SCFD2: variants seen among roughly 807,000 people sequenced by gnomAD.
SCFD2 encodes the protein sec1 family domain containing 2, also known as sec1 family domain-containing protein 2.
Under a neutral mutation model 58.9 loss-of-function variants are expected in SCFD2, and 54 were observed. The ratio of observed to expected loss-of-function variants is 0.92; its 90% CI spans 0.74 to 1.15. The LOEUF is 1.15. SCFD2 is among the 50% of genes most tolerant of loss of function. The pLI, the probability that SCFD2 is intolerant of heterozygous loss-of-function variation, is 0.00. For missense variants in SCFD2, 805 were observed against 836.6 expected, an observed-to-expected ratio of 0.96 and a Z score of 0.47; for synonymous variants, 321 against 335.9, an observed-to-expected ratio of 0.96 and a Z score of 0.49.
At chr4:53,253,011 G>C (rs886983043) in intron 4 of SCFD2, among the ~76,000 whole-genome samples, 1 of 152,032 alleles carries the variant, frequency 6.6e-6, no homozygotes, top group African/African-American at 2.4e-5. Context: ...CTAATATCCA[G>C]AATCTACAGT....
intron 3 of SCFD2, among the ~76,000 whole-genome samples, chr4:53,288,789 T>C (rs1731748726): frequency 6.6e-6 from 1 of 152,186 alleles, no homozygotes; most frequent in African/African-American, 2.4e-5. Context: ...GGATAATTAC[T>C]CTCATAAAAA....
intron 5 of SCFD2, among the ~76,000 whole-genome samples, chr4:53,098,397 T>C (rs1284649887): frequency 1.3e-5 from 2 of 152,190 alleles, no homozygotes; most frequent in Non-Finnish European, 2.9e-5. Flanking sequence ...TTTCGGAGCA[T>C]GTTATTGGTC....
intron 7 of SCFD2, 110 bp downstream of exon 7, chr4:52,907,347 C>A: frequency 9.2e-7 from 1 of 1,084,450 alleles, no homozygotes; most frequent in Non-Finnish European, 1.4e-6. Context: ...AGCCAAAATA[C>A]CAAATGTTAT....
intron 5 of SCFD2, among the ~76,000 whole-genome samples, chr4:53,079,673 C>G (rs1724084425): frequency 6.6e-6 from 1 of 152,174 alleles, no homozygotes; most frequent in South Asian, 2.1e-4. Flanking sequence ...ACAGTGCTCA[C>G]AGCACCCAAT....
chr4:53,220,354 ACTGT>A (rs1341521327), intron 4 of SCFD2, among the ~76,000 whole-genome samples: 3 of 152,336 alleles, frequency 2.0e-5, no homozygotes, highest in East Asian at 3.9e-4. Flanking sequence ...TGGTTTCTTT[ACTGT>A]CTGTTTTCTT....
chr4:52,952,242 GCCCCATCCCCTCTCACAC>G (rs778541151), intron 5 of SCFD2, among the ~76,000 whole-genome samples: 10,490 of 102,496 alleles, frequency 0.1, 606 homozygotes, highest in Non-Finnish European at 0.15. Flanking sequence ...CCCTCTCACA[GCCCCATCCCCTCTCACAC>G]CCCCATCCCC....
At chr4:53,347,496 T>C (rs1734090961) in intron 2 of SCFD2, among the ~76,000 whole-genome samples, 1 of 151,680 alleles carries the variant, frequency 6.6e-6, no homozygotes, top group African/African-American at 2.4e-5. Context: ...AATATTAATA[T>C]ATTAGAAAGT....
chr4:52,939,545 A>G (rs1197396589), intron 5 of SCFD2, among the ~76,000 whole-genome samples: 1 of 152,198 alleles, frequency 6.6e-6, no homozygotes, highest in Non-Finnish European at 1.5e-5. Context: ...TAAGATGCTT[A>G]CTATGTGTCA....
At chr4:52,893,655 C>T (rs901679962) in intron 7 of SCFD2, among the ~76,000 whole-genome samples, 1 of 152,190 alleles carries the variant, frequency 6.6e-6, no homozygotes, top group African/African-American at 2.4e-5. Flanking sequence ...CTGGAATGGC[C>T]CCCTGACCCA....
intron 7 of SCFD2, among the ~76,000 whole-genome samples, chr4:52,891,507 T>C (rs60716049): frequency 0.41 from 62,408 of 152,104 alleles, 14,156 homozygotes; most frequent in African/African-American, 0.61. Context: ...GGTGAAATAA[T>C]TTGTCCAAAG....
chr4:53,187,515 C>T (rs1307373541), intron 4 of SCFD2, among the ~76,000 whole-genome samples: 1 of 152,096 alleles, frequency 6.6e-6, no homozygotes, highest in Non-Finnish European at 1.5e-5. Flanking sequence ...ATGTAAACTG[C>T]AGCCTTGTTT....
chr4:52,927,081 AAAC>A (rs779133516), intron 5 of SCFD2, among the ~76,000 whole-genome samples: 3 of 152,186 alleles, frequency 2.0e-5, no homozygotes, highest in Non-Finnish European at 2.9e-5. Context: ...TAAGGCAAAT[AAAC>A]AACAATAGAA....
chr4:53,221,952 T>C (rs1314868256), intron 4 of SCFD2, among the ~76,000 whole-genome samples: 1 of 152,226 alleles, frequency 6.6e-6, no homozygotes, highest in Admixed American at 6.5e-5. Flanking sequence ...ACTGATTCTG[T>C]TAACTCTGTT....
chr4:52,938,200 C>T (rs1391193521), intron 5 of SCFD2, among the ~76,000 whole-genome samples: 3 of 152,176 alleles, frequency 2.0e-5, no homozygotes, highest in Admixed American at 6.5e-5. Context: ...AGTTCATTTA[C>T]TCCTCAGAGC....
intron 5 of SCFD2, among the ~76,000 whole-genome samples, chr4:53,010,792 T>G (rs1577657696): frequency 6.6e-6 from 1 of 152,154 alleles, no homozygotes; most frequent in African/African-American, 2.4e-5. Context: ...GGGGGCGCGG[T>G]CCAGCCTCTC....
intron 5 of SCFD2, among the ~76,000 whole-genome samples, chr4:53,070,738 A>C (rs1329091766): frequency 7.9e-5 from 12 of 152,094 alleles, no homozygotes; most frequent in Non-Finnish European, 1.6e-4. Flanking sequence ...TTTACTCTAT[A>C]GGTTTACAGA....
At chr4:53,166,553 T>C (rs1727015496) in intron 4 of SCFD2, among the ~76,000 whole-genome samples, 1 of 151,892 alleles carries the variant, frequency 6.6e-6, no homozygotes, top group South Asian at 2.1e-4. Context: ...ATTTTGAAGT[T>C]ACAAGAAAAA....
At chr4:52,914,158 A>C (rs1719550414) in intron 6 of SCFD2, among the ~76,000 whole-genome samples, 1 of 152,228 alleles carries the variant, frequency 6.6e-6, no homozygotes, top group South Asian at 2.1e-4. Context: ...GAAGAATGTC[A>C]AACTATGCAG....
intron 5 of SCFD2, among the ~76,000 whole-genome samples, chr4:53,103,909 A>C (rs570784508): frequency 6.7e-6 from 1 of 150,082 alleles, no homozygotes; most frequent in Non-Finnish European, 1.5e-5. Flanking sequence ...AAAAAAAAAA[A>C]AAAAAAAGAA....
Sources: allele counts gnomAD v4.1 joint callset (sites outside exome capture counted in the v4.1 genomes callset), GRCh38; gene constraint gnomAD v4.1.1; transcripts MANE v1.5; gene names NCBI Gene and HGNC (gene_info 2026-07-23, HGNC 2026-07-21).